Variants in KLHL2 observed in about 807,000 individuals in gnomAD.
KLHL2 encodes kelch like family member 2.
Under a neutral mutation model 75.8 loss-of-function variants are expected in KLHL2, and 15 were observed. The ratio of observed to expected loss-of-function variants is 0.20; its 90% CI spans 0.13 to 0.30. KLHL2 has a LOEUF of 0.30. Among genes scored for constraint, KLHL2 ranks in the 10% least tolerant of loss-of-function variants. The pLI, the probability that KLHL2 is intolerant of heterozygous loss-of-function variation, is 1.00. For missense variants in KLHL2, 381 were observed against 741.0 expected (o/e 0.51, Z 5.64); for synonymous variants, 214 against 251.9 (o/e 0.85, Z 1.42).
chr4:165,307,303 G>A (rs1293700457), intron 9 of KLHL2, among the ~76,000 whole-genome samples: 3 of 152,064 alleles, frequency 2.0e-5, no homozygotes, highest in Non-Finnish European at 4.4e-5. Flanking sequence ...GTGAGACTCC[G>A]TCTCAAAAAA....
chr4:165,298,416 A>G (rs1473520548), intron 7 of KLHL2, among the ~76,000 whole-genome samples: 1 of 152,180 alleles, frequency 6.6e-6, no homozygotes, highest in African/African-American at 2.4e-5. Context: ...CTGAGGGAAA[A>G]CATTATTTGA....
At chr4:165,234,854 CTG>C (rs1163328667) in intron 3 of KLHL2, among the ~76,000 whole-genome samples, 1 of 151,900 alleles carries the variant, frequency 6.6e-6, no homozygotes, top group Non-Finnish European at 1.5e-5. Context: ...AGATAGGAGA[CTG>C]GGTACGGTGG....
chr4:165,214,672 G>C (rs1737414384), intron 1 of KLHL2, among the ~76,000 whole-genome samples: 1 of 152,118 alleles, frequency 6.6e-6, no homozygotes, highest in African/African-American at 2.4e-5. Context: ...GAGAGAATAG[G>C]GTGCTCTTTA....
chr4:165,311,809 C>CTGTG (rs60870309), intron 11 of KLHL2, among the ~76,000 whole-genome samples: 4,079 of 144,842 alleles, frequency 0.028, 65 homozygotes, highest in Non-Finnish European at 0.035. Flanking sequence ...TCCTTTCTCT[C>CTGTG]TGTGTGTGTG....
At chr4:165,249,846 C>T (rs1196929639) in intron 4 of KLHL2, among the ~76,000 whole-genome samples, 1 of 152,264 alleles carries the variant, frequency 6.6e-6, no homozygotes, top group Non-Finnish European at 1.5e-5. Context: ...TTCTTTTGGC[C>T]GGGTACGGTG....
At chr4:165,224,208 T>C (rs1162371717) in intron 2 of KLHL2, among the ~76,000 whole-genome samples, 3 of 152,172 alleles carry the variant, frequency 2.0e-5, no homozygotes, top group Non-Finnish European at 4.4e-5. Context: ...AAAGGTGGCA[T>C]TTTGTGTTTA....
chr4:165,229,893 T>C (rs547683193), intron 3 of KLHL2, among the ~76,000 whole-genome samples: 12 of 152,212 alleles, frequency 7.9e-5, no homozygotes, highest in Non-Finnish European at 1.6e-4. Context: ...GTGAAAACTT[T>C]TCTGGGTGTC....
At chr4:165,298,688 A>G (rs1202415864) in intron 7 of KLHL2, among the ~76,000 whole-genome samples, 1 of 152,124 alleles carries the variant, frequency 6.6e-6, no homozygotes, top group African/African-American at 2.4e-5. Flanking sequence ...CACGTCTATA[A>G]TCCCAGCACT....
chr4:165,263,980 T>C (rs1317602618), intron 5 of KLHL2, among the ~76,000 whole-genome samples: 1 of 152,044 alleles, frequency 6.6e-6, no homozygotes, highest in Non-Finnish European at 1.5e-5. Context: ...CATTTCCCTG[T>C]GGCAGAGGGA....
chr4:165,236,840 A>G (rs1560994375), intron 3 of KLHL2, among the ~76,000 whole-genome samples: 1 of 152,096 alleles, frequency 6.6e-6, no homozygotes, highest in Non-Finnish European at 1.5e-5. Context: ...GAGAAAAATA[A>G]TCTTAAAAAT....
At chr4:165,302,212 G>A (rs1392216579) in intron 8 of KLHL2, among the ~76,000 whole-genome samples, 2 of 152,092 alleles carry the variant, frequency 1.3e-5, no homozygotes, top group Admixed American at 6.5e-5. Flanking sequence ...TTCTCAGTGT[G>A]TTTGTTTATC....
At chr4:165,305,765 T>A (rs1431035445) in intron 9 of KLHL2, 40 bp downstream of exon 9, 3 of 1,322,208 alleles carry the variant, frequency 2.3e-6, no homozygotes, top group Non-Finnish European at 3.2e-6. Context: ...TACTCCTGGG[T>A]CATTGGGAGC....
At position 165,317,846 on chromosome 4, in the gene KLHL2, C is replaced by T; in HGVS notation, c.1630C>T (p.Leu544=). The T allele has an allele frequency of 6.2e-7, 1 of 1,610,546 alleles. No homozygotes were observed. Residue 544 remains leucine (L), a synonymous_variant, in exon 14 of 15, where the codon CTG becomes TTG. Transcript: ENST00000226725. The part of the protein sequence containing the change: ...RNAGVCAVNG[L]LYVVGGDDGS... ...TAAAGGAGTTTGTGCAGTTAATGGT[C>T]TGTTATATGTTGTTGGAGGGGATGA...
At chr4:165,278,216 T>C (rs1332812548) in intron 5 of KLHL2, 3 of 1,214,278 alleles carry the variant, frequency 2.5e-6, no homozygotes, top group Non-Finnish European at 3.7e-6. Flanking sequence ...GGACAAATCC[T>C]CAGGTTCAAG....
rs1746846001 is a variant in KLHL2, at chr4:165,319,956, T to C, written c.1753+1987T>C. Among the ~76,000 whole-genome samples, 2 of 152,120 alleles carry C rather than the reference T, an allele frequency of 1.3e-5. No individual in the cohort carries two copies. Among genetic ancestry groups the C allele is most frequent in the Admixed American group, 6.6e-5 (1 of 15,262 alleles). ...AAAAGGAAGGTGAAGGATCTAAAGC[T>C]GGAGAATTTCCTCAGCCTACTCAAG... On this transcript the variant is annotated intron_variant, in intron 14 of 14. Coordinates refer to ENST00000226725, the MANE Select transcript of KLHL2 (RefSeq NM_007246.4). This position sits in a 1 kb window ranked among gnomAD's most constrained non-coding sequence, Gnocchi z 4.5.
intron 1 of KLHL2, chr4:165,210,175 CT>C (rs1302949669): frequency 3.2e-6 from 5 of 1,551,538 alleles, no homozygotes; most frequent in Non-Finnish European, 4.4e-6. Flanking sequence ...CCCAGATTCT[CT>C]TTGTGTAAGT....
intron 14 of KLHL2, 29 bp from the exon 15 acceptor site, chr4:165,322,003 C>A: frequency 6.2e-7 from 1 of 1,611,492 alleles, no homozygotes; most frequent in Non-Finnish European, 8.5e-7. Flanking sequence ...CCTGTGACTT[C>A]TTTTTTCTCT....
chr4:165,271,542 G>A (rs1307155391), intron 5 of KLHL2, among the ~76,000 whole-genome samples: 3 of 152,130 alleles, frequency 2.0e-5, no homozygotes, highest in Non-Finnish European at 4.4e-5. Context: ...AAAGCTAGGC[G>A]CCTTTTGGAG....
chr4:165,299,840 G>A (rs575903713), intron 8 of KLHL2, among the ~76,000 whole-genome samples, 184 bp downstream of exon 8: 1 of 152,254 alleles, frequency 6.6e-6, no homozygotes, highest in African/African-American at 2.4e-5. Flanking sequence ...TGTTAAGGGT[G>A]GGGATTCTTT....
Sources: allele counts gnomAD v4.1 joint callset (sites outside exome capture counted in the v4.1 genomes callset), GRCh38; gene constraint gnomAD v4.1.1; non-coding constraint Gnocchi (gnomAD v3.1); transcripts MANE v1.5; gene names NCBI Gene and HGNC (gene_info 2026-07-23, HGNC 2026-07-21).